Variants in COA8 observed in about 807,000 individuals in gnomAD.
COA8 encodes cytochrome c oxidase assembly factor 8.
COA8 carries 20 observed loss-of-function variants against 22.0 expected under a neutral mutation model. The observed-to-expected ratio is 0.91, with a 90% CI of 0.64 to 1.32. The LOEUF (loss-of-function observed/expected upper bound fraction) is 1.32. COA8 is among the 40% of genes most tolerant of loss of function. The pLI is 0.00. For missense variants in COA8, 266 were observed against 230.0 expected, an observed-to-expected ratio of 1.16 and a Z score of -1.01; for synonymous variants, 105 against 79.9, an observed-to-expected ratio of 1.31 and a Z score of -1.68.
At chr14:103,586,716 C>G (rs146508307) in intron 3 of COA8, among the ~76,000 whole-genome samples, 2,543 of 149,138 alleles carry the variant, frequency 0.017, 29 homozygotes, top group Non-Finnish European at 0.026. Flanking sequence ...CTCATTGTAA[C>G]CTCTGCCACC....
chr14:103,587,212 A>C, intron 3 of COA8, 62 bp from the exon 4 acceptor site: 1 of 1,368,414 alleles, frequency 7.3e-7, no homozygotes, highest in Non-Finnish European at 1.0e-6. Context: ...TATTAGCTCT[A>C]ATAGTTTTTT....
Position 103,571,916 on chromosome 14 carries a change from A to G in COA8, c.321+96A>G, listed in dbSNP as rs1370592260. The G allele has an allele frequency of 2.9e-6, 3 of 1,025,390 alleles. No homozygotes were observed. The South Asian group carries it at 4.5e-5, about 15-fold the overall frequency. The allele number at this position is 1,025,390 out of a possible 1,614,324, so 63.5% of individuals were successfully genotyped here. A position where few individuals can be genotyped will look rare whatever the true frequency, so the allele number is the denominator to read the frequency against. ...GCCGAGGTGGGCAGATCACGAGGTCAGGAGATCGAGACCATCCTGGCTAAC... is the reference window on the plus strand; with the variant it reads ...GCCGAGGTGGGCAGATCACGAGGTCGGGAGATCGAGACCATCCTGGCTAAC... On this transcript the variant is annotated intron_variant, in intron 2 of 4. Transcript: ENST00000409074.
chr14:103,575,136 G>C (rs888926910), intron 3 of COA8, among the ~76,000 whole-genome samples: 2 of 152,228 alleles, frequency 1.3e-5, no homozygotes, highest in African/African-American at 4.8e-5. Context: ...GCGTGTGTAC[G>C]CATGTGTGTG....
At chr14:103,588,144 GTT>G in intron 4 of COA8, 2 of 313,332 alleles carry the variant, frequency 6.4e-6, no homozygotes, top group Non-Finnish European at 5.8e-6. Flanking sequence ...AAAAAAACGG[GTT>G]TTAGCTGGTT....
In COA8 at chr14:103,568,536, TAC is replaced by T. The variant is rs532852401; in HGVS notation, c.124-3079_124-3078del. Among the ~76,000 whole-genome samples, 449 of 150,592 alleles carry T rather than the reference TAC, an allele frequency of 3.0e-3. 2 individuals carry two copies. Among genetic ancestry groups the T allele is most frequent in the Non-Finnish European group, 4.1e-3 (277 of 67,884 alleles). ...ATATATATACACACACATACACATA[TAC>T]ACACACATGTACACATATACACACA... On this transcript the variant is annotated intron_variant, in intron 1 of 4. Transcript: ENST00000409074.
chr14:103,582,492 A>G (rs2076275461), intron 3 of COA8, among the ~76,000 whole-genome samples: 1 of 152,202 alleles, frequency 6.6e-6, no homozygotes, highest in Non-Finnish European at 1.5e-5. Context: ...TGGAGTAGTC[A>G]GGCCGGGACC....
chr14:103,583,268 G>A (rs943557547), intron 3 of COA8, among the ~76,000 whole-genome samples: 6 of 152,000 alleles, frequency 3.9e-5, no homozygotes, highest in Admixed American at 6.6e-5. Flanking sequence ...GGCCTGGCGC[G>A]GTGGCTCACG....
chr14:103,567,854 C>T (rs1285985880), intron 1 of COA8, among the ~76,000 whole-genome samples: 1 of 152,072 alleles, frequency 6.6e-6, no homozygotes, highest in Non-Finnish European at 1.5e-5. Context: ...GTCACTCCAG[C>T]GTTGGGTGAA....
intron 4 of COA8, among the ~76,000 whole-genome samples, chr14:103,587,705 C>T (rs1262666755): frequency 6.6e-6 from 1 of 151,652 alleles, no homozygotes; most frequent in Non-Finnish European, 1.5e-5. Flanking sequence ...GACAGGGTTT[C>T]ACCGTGTTAG....
chr14:103,583,865 A>T (rs2076286438), intron 3 of COA8, among the ~76,000 whole-genome samples: 1 of 152,226 alleles, frequency 6.6e-6, no homozygotes, highest in Non-Finnish European at 1.5e-5. Flanking sequence ...CAGGATTGAT[A>T]ATTTGCTAGA....
intron 1 of COA8, among the ~76,000 whole-genome samples, chr14:103,566,568 C>G (rs1270973498): frequency 6.6e-6 from 1 of 152,220 alleles, no homozygotes; most frequent in Non-Finnish European, 1.5e-5. Context: ...ATTTCCTGCA[C>G]AGGTTCTTCA....
At chr14:103,563,364 G>GT (rs1566975692) in intron 1 of COA8, 1 of 683,826 alleles carries the variant, frequency 1.5e-6, no homozygotes, top group South Asian at 1.5e-5. Flanking sequence ...ACCTTTAAGC[G>GT]TAACAGAGTC....
rs2142268076 is a variant in COA8 at position 103,563,054 on chromosome 14, CCTTCGCCTGCCGCGG to C, written c.56_70del (p.Phe19_Gly23del). The C allele has an allele frequency of 6.5e-7, 1 of 1,539,114 alleles. No individual in the cohort carries two copies. The highest frequency in any genetic ancestry group is 8.7e-7 in the Non-Finnish European group (1 of 1,147,842). On this transcript the variant is annotated inframe_deletion, in exon 1 of 5. Transcript: ENST00000409074. Reference sequence around the variant, plus strand: ...ACCTTTCTCCCCCCTCTCTGCCGCGCCTTCGCCTGCCGCGGCTGTCAACTCGCTCCGGAGCGCGGC... The same window carrying C: ...ACCTTTCTCCCCCCTCTCTGCCGCGCCTGTCAACTCGCTCCGGAGCGCGGC...
At chr14:103,578,275 G>A (rs539833036) in intron 3 of COA8, among the ~76,000 whole-genome samples, 1 of 152,144 alleles carries the variant, frequency 6.6e-6, no homozygotes, top group Admixed American at 6.6e-5. Flanking sequence ...CAGAAGAATG[G>A]GAAGAATGGA....
At chr14:103,587,493 T>C in intron 4 of COA8, 129 bp downstream of exon 4, 1 of 498,176 alleles carries the variant, frequency 2.0e-6, no homozygotes. Context: ...TATCAACTTT[T>C]TTTTTTCTTT....
rs71126040 is a variant in COA8, at chr14:103,586,200, CT to C, written c.386-1052del. Among the ~76,000 whole-genome samples the C allele has an allele frequency of 4.2e-3, 388 of 92,682 alleles. 5 individuals are homozygous for C. Among genetic ancestry groups the C allele is most frequent in the African/African-American group, 0.012 (297 of 24,834 alleles). 60.8% of individuals were successfully genotyped at this position (92,682 alleles called of 152,430 possible). On this transcript the variant is annotated intron_variant, in intron 3 of 4. Transcript: ENST00000409074. ...ATAGGCGTGAGCCACTGCACCTGGC[CT>C]TTTTTTTTTTTTTTTTTTTTTAACG...
In COA8 at chr14:103,568,683, G is replaced by A. The variant is rs921756969; in HGVS notation, c.124-2940G>A. On this transcript the variant is annotated intron_variant, in intron 1 of 4. Transcript: ENST00000409074. The stretch of plus-strand genomic sequence containing the variant: ...CTCACTCTGTCACCCAGGTTGGAGT[G>A]CAGTGACACGATCTTGGTTCACTGC... Among the ~76,000 whole-genome samples the A allele has an allele frequency of 2.0e-5, 3 of 150,932 alleles. No homozygotes were observed. The South Asian group carries it at 6.3e-4, about 32-fold the overall frequency.
chr14:103,584,430 C>T lies in COA8; in HGVS notation c.386-2844C>T, dbSNP rs2076290650. Among the ~76,000 whole-genome samples the T allele has an allele frequency of 3.3e-5, 5 of 152,154 alleles. No individual in the cohort carries two copies. The South Asian group carries it at 1.0e-3, about 31-fold the overall frequency. On this transcript the variant is annotated intron_variant, in intron 3 of 4. Transcript: ENST00000409074. ...GCAGTACAGGAGCCCACCAGAGCTG[C>T]CCCATTCGAACAGGAGCAGCTGCTA...
At position 103,581,439 on chromosome 14, in the gene COA8, A is replaced by T. The variant is rs1191368808; in HGVS notation, c.386-5835A>T. On this transcript the variant is annotated intron_variant, in intron 3 of 4. Coordinates refer to ENST00000409074, the MANE Select transcript of COA8 (RefSeq NM_001370595.2). The surrounding 1 kb of genome is among the most constrained non-coding windows in gnomAD (Gnocchi z 4.1). ...CGTCTACACTGTGGAGGTGCTGGAC[A>T]GAGGGAGGAGTCGCCTCCTGGGCTG... The T allele has an allele frequency of 2.6e-6, 1 of 391,710 alleles. No homozygotes were observed. Among genetic ancestry groups the T allele is most frequent in the South Asian group, 1.4e-4 (1 of 6,962 alleles). The allele number at this position is 391,710 out of a possible 1,614,324, so 24.3% of individuals were successfully genotyped here. A position where few individuals can be genotyped will look rare whatever the true frequency, so the allele number is the denominator to read the frequency against.
Sources: allele counts gnomAD v4.1 joint callset (sites outside exome capture counted in the v4.1 genomes callset), GRCh38; gene constraint gnomAD v4.1.1; non-coding constraint Gnocchi (gnomAD v3.1); transcripts MANE v1.5; gene names NCBI Gene and HGNC (gene_info 2026-07-23, HGNC 2026-07-21).